SV2C: variants seen among roughly 807,000 people sequenced by gnomAD.
SV2C encodes the protein solute carrier family 22 member B3.
In SV2C, 49 loss-of-function variants were observed where a neutral mutation model predicts 79.7. That is an observed-to-expected ratio of 0.61 (90% CI 0.49 to 0.78). The LOEUF is 0.78. Among genes scored for constraint, SV2C ranks in the 30% least tolerant of loss-of-function variants. The pLI, the probability that SV2C is intolerant of heterozygous loss-of-function variation, is 0.00. For synonymous variants in SV2C, 334 were observed against 333.2 expected, an observed-to-expected ratio of 1.00 and a Z score of -0.03; for missense variants, 833 against 912.9, an observed-to-expected ratio of 0.91 and a Z score of 1.13.
At chr5:76,002,256 A>C in the SV2C span, among the ~76,000 whole-genome samples, 1 of 151,904 alleles carries the variant, frequency 6.6e-6, no homozygotes, top group Non-Finnish European at 1.5e-5. Context: ...TGCAATTGTG[A>C]ATTGTGTTGC....
the SV2C span, among the ~76,000 whole-genome samples, chr5:75,980,548 G>A: frequency 6.6e-6 from 1 of 152,096 alleles, no homozygotes; most frequent in Non-Finnish European, 1.5e-5. Flanking sequence ...CGGGATACAA[G>A]TTGGGTTCAA....
At chr5:76,202,253 G>A (rs1032927013) in intron 3 of SV2C, among the ~76,000 whole-genome samples, 7 of 152,136 alleles carry the variant, frequency 4.6e-5, no homozygotes, top group South Asian at 2.1e-4. Context: ...TGCTTGCCGC[G>A]TGAGAGATGC....
chr5:76,347,036 C>T (rs1466845488), intron 12 of SV2C, among the ~76,000 whole-genome samples: 1 of 152,090 alleles, frequency 6.6e-6, no homozygotes, highest in African/African-American at 2.4e-5. Context: ...TTGGTGAGAA[C>T]TCTCATAAAG....
chr5:75,905,606 G>A, the SV2C span, among the ~76,000 whole-genome samples: 1 of 152,070 alleles, frequency 6.6e-6, no homozygotes, highest in Admixed American at 6.6e-5. Context: ...GAGGGATAGT[G>A]GTCTGCAGTT....
the SV2C span, among the ~76,000 whole-genome samples, chr5:75,996,663 G>A: frequency 1.3e-5 from 2 of 152,018 alleles, no homozygotes; most frequent in African/African-American, 4.8e-5. Flanking sequence ...ATTTCCTTGA[G>A]CAGTGGTTTG....
the SV2C span, among the ~76,000 whole-genome samples, chr5:76,047,938 T>C: frequency 6.6e-6 from 1 of 151,942 alleles, no homozygotes; most frequent in Non-Finnish European, 1.5e-5. Flanking sequence ...TCCCGGCTAA[T>C]TTTTTTGTAT....
chr5:76,028,995 T>C, the SV2C span, among the ~76,000 whole-genome samples: 1 of 152,206 alleles, frequency 6.6e-6, no homozygotes, highest in Admixed American at 6.5e-5. Context: ...CTCAGGAGAA[T>C]GCAATAAGTA....
the SV2C span, among the ~76,000 whole-genome samples, chr5:75,892,399 A>G: frequency 6.6e-6 from 1 of 151,992 alleles, no homozygotes; most frequent in Non-Finnish European, 1.5e-5. Context: ...CCTATCTGCT[A>G]TGAAATATCA....
At chr5:76,281,172 A>T (rs1747182176) in intron 4 of SV2C, 5 of 537,282 alleles carry the variant, frequency 9.3e-6, no homozygotes, top group South Asian at 7.0e-5. Flanking sequence ...TAGGTTTAAT[A>T]GAAATCCTTA....
intron 4 of SV2C, among the ~76,000 whole-genome samples, chr5:76,229,222 C>T (rs927511776): frequency 6.6e-6 from 1 of 152,224 alleles, no homozygotes; most frequent in Non-Finnish European, 1.5e-5. Context: ...CACCCTGGTG[C>T]GGGACGGCCA....
At chr5:75,866,635 G>A in the SV2C span, among the ~76,000 whole-genome samples, 3 of 152,220 alleles carry the variant, frequency 2.0e-5, no homozygotes, top group African/African-American at 7.2e-5. Flanking sequence ...AGTATGAAAT[G>A]AAGCCTCAAA....
chr5:75,912,478 C>T, the SV2C span, among the ~76,000 whole-genome samples: 1 of 152,028 alleles, frequency 6.6e-6, no homozygotes, highest in Non-Finnish European at 1.5e-5. Flanking sequence ...CAGAGTAAGA[C>T]CCTGTCTCAA....
intron 4 of SV2C, among the ~76,000 whole-genome samples, chr5:76,245,297 A>AAGAGGG (rs898628141): frequency 6.6e-6 from 1 of 152,186 alleles, no homozygotes; most frequent in Non-Finnish European, 1.5e-5. Context: ...GAGGAAGAGG[A>AAGAGGG]AGAGGAAGGA....
At chr5:76,165,216 C>A (rs999564299) in intron 2 of SV2C, among the ~76,000 whole-genome samples, 1 of 152,172 alleles carries the variant, frequency 6.6e-6, no homozygotes, top group African/African-American at 2.4e-5. Flanking sequence ...GTTTACCCTT[C>A]ACCCAGCTTC....
At chr5:75,971,101 A>G in the SV2C span, among the ~76,000 whole-genome samples, 1 of 152,138 alleles carries the variant, frequency 6.6e-6, no homozygotes, top group Non-Finnish European at 1.5e-5. Context: ...AGATGCAGAA[A>G]AGGCCTTTGA....
chr5:76,191,111 C>A (rs1256240841), intron 2 of SV2C, among the ~76,000 whole-genome samples: 1 of 152,110 alleles, frequency 6.6e-6, no homozygotes, highest in Admixed American at 6.6e-5. Context: ...AGGAAACTTA[C>A]AATCATGGTG....
At chr5:75,859,915 C>T in the SV2C span, among the ~76,000 whole-genome samples, 3 of 152,292 alleles carry the variant, frequency 2.0e-5, no homozygotes, top group South Asian at 6.2e-4. Flanking sequence ...CTACGCCTCC[C>T]ATTTGCCCTA....
intron 8 of SV2C, among the ~76,000 whole-genome samples, chr5:76,294,568 G>A (rs1747678070): frequency 6.6e-6 from 1 of 152,034 alleles, no homozygotes; most frequent in Admixed American, 6.6e-5. Flanking sequence ...CCAAAGTGTT[G>A]GGATTATAGG....
the SV2C span, among the ~76,000 whole-genome samples, chr5:76,066,176 T>C: frequency 6.6e-6 from 1 of 151,828 alleles, no homozygotes; most frequent in East Asian, 1.9e-4. Flanking sequence ...CTATTCACAA[T>C]AGCAAAGACT....
Sources: gnomAD v4.1 joint callset for allele counts (sites outside exome capture counted in the v4.1 genomes callset) on GRCh38, gnomAD v4.1.1 for gene constraint, MANE v1.5 for transcripts, NCBI Gene and HGNC (gene_info 2026-07-23, HGNC 2026-07-21) for gene names.